Variants in DAB1 observed in about 807,000 individuals in gnomAD.
DAB1 encodes disabled homolog 1.
In DAB1, 15 loss-of-function variants were observed where a neutral mutation model predicts 64.6. That is an observed-to-expected ratio of 0.23 (90% CI 0.16 to 0.36). The LOEUF (loss-of-function observed/expected upper bound fraction) is 0.36. Ranked by LOEUF, DAB1 falls within the 10% of genes least tolerant of loss-of-function variation. The probability of loss-of-function intolerance (pLI) is 1.00; values close to 1 mark genes in which losing one functional copy is unlikely to be tolerated. For synonymous variants in DAB1, 235 were observed against 251.9 expected (o/e 0.93, Z 0.64); for missense variants, 596 against 706.7 (o/e 0.84, Z 1.78).
intron 9 of DAB1, among the ~76,000 whole-genome samples, chr1:57,029,935 C>A (rs1390408990): frequency 1.3e-5 from 2 of 152,088 alleles, no homozygotes; most frequent in Non-Finnish European, 2.9e-5. Context: ...TGAGTTAAGA[C>A]TTTGGGGGAC....
intron 7 of DAB1, among the ~76,000 whole-genome samples, chr1:57,493,864 A>C (rs112083812): frequency 2.0e-3 from 302 of 152,070 alleles, no homozygotes; most frequent in Non-Finnish European, 3.1e-3. Context: ...ACCTTAAAGG[A>C]ATCTTTATTT....
intron 1 of DAB1, among the ~76,000 whole-genome samples, chr1:57,371,089 G>A (rs1053585099): frequency 3.3e-5 from 5 of 152,110 alleles, no homozygotes; most frequent in Non-Finnish European, 5.9e-5. Flanking sequence ...GCACAGCTGT[G>A]GTGACCTGGA....
chr1:57,926,609 C>T (rs1239090416), intron 5 of DAB1, among the ~76,000 whole-genome samples: 1 of 152,172 alleles, frequency 6.6e-6, no homozygotes, highest in African/African-American at 2.4e-5. Flanking sequence ...TGATCCTGTT[C>T]TTGTTTTTCC....
chr1:57,772,816 T>C (rs1649620426), intron 6 of DAB1, among the ~76,000 whole-genome samples: 1 of 152,124 alleles, frequency 6.6e-6, no homozygotes, highest in Non-Finnish European at 1.5e-5. Context: ...ATGTTGTGGC[T>C]CTAACTCCCA....
intron 5 of DAB1, among the ~76,000 whole-genome samples, chr1:58,132,086 A>G (rs1653632153): frequency 6.6e-6 from 1 of 151,714 alleles, no homozygotes; most frequent in Non-Finnish European, 1.5e-5. Flanking sequence ...TTGATCTCAG[A>G]CTGCTGGGCT....
rs185816240 is a variant in DAB1 at position 58,310,077 on chromosome 1, A to G, written n.309+33275T>C. On this transcript the variant is annotated intron_variant and non_coding_transcript_variant, in intron 4 of 20. Coordinates refer to the DAB1 transcript ENST00000485760. ...TCAAGTGACTACTTGGCTGATCACT[A>G]TCAGTCTATTAAAATACACACATGC... Among the ~76,000 whole-genome samples, 401 of 152,262 alleles carry G rather than the reference A, an allele frequency of 2.6e-3. 6 individuals are homozygous for G. The highest frequency in any genetic ancestry group is 8.6e-3 in the African/African-American group (356 of 41,558).
intron 4 of DAB1, among the ~76,000 whole-genome samples, chr1:57,088,880 C>T (rs2100651912): frequency 6.6e-6 from 1 of 152,356 alleles, no homozygotes; most frequent in East Asian, 1.9e-4. Context: ...CAGGCCCCGG[C>T]TTTAAGTGCC....
chr1:58,058,467 G>C (rs1356188743), intron 5 of DAB1, among the ~76,000 whole-genome samples: 2 of 152,080 alleles, frequency 1.3e-5, no homozygotes, highest in Admixed American at 1.3e-4. Context: ...AGCCACGCTC[G>C]ACTGTTGCAT....
chr1:57,801,284 C>T (rs1396389420), intron 6 of DAB1, among the ~76,000 whole-genome samples: 3 of 152,146 alleles, frequency 2.0e-5, no homozygotes, highest in African/African-American at 7.2e-5. Flanking sequence ...TTATCTGGAC[C>T]TTTGGTTTCT....
chr1:58,483,579 T>G (rs1258743062), intron 3 of DAB1, among the ~76,000 whole-genome samples: 1 of 152,244 alleles, frequency 6.6e-6, no homozygotes, highest in East Asian at 1.9e-4. Flanking sequence ...TAAGATTTCC[T>G]TATATCTAGT....
chr1:57,850,260 C>A (rs1377742324), intron 1 of DAB1, among the ~76,000 whole-genome samples: 1 of 152,198 alleles, frequency 6.6e-6, no homozygotes, highest in African/African-American at 2.4e-5. Flanking sequence ...GGACCTCACA[C>A]AAACATAAGG....
chr1:57,418,826 G>A (rs1235435741), intron 1 of DAB1, among the ~76,000 whole-genome samples: 1 of 152,084 alleles, frequency 6.6e-6, no homozygotes, highest in African/African-American at 2.4e-5. Flanking sequence ...TAAAATAGAT[G>A]CCAGAGGAGT....
intron 3 of DAB1, among the ~76,000 whole-genome samples, chr1:58,391,201 G>A (rs770294369): frequency 1.3e-5 from 2 of 152,194 alleles, no homozygotes; most frequent in Non-Finnish European, 2.9e-5. Context: ...GGCAAGAGCC[G>A]TAAAGAGAGC....
Position 57,951,317 on chromosome 1 carries a change from C to CATATATATATATATATATATAT in DAB1, n.388-67156_388-67155insATATATATATATATATATATAT, listed in dbSNP as rs150140800. ...CAGATCCGGGAAGAGGAGCCTGATT[C>CATATATATATATATATATATAT]ATATATATATATATACTTCCCTGGA... On this transcript the variant is annotated intron_variant and non_coding_transcript_variant, in intron 5 of 20. Coordinates refer to the DAB1 transcript ENST00000485760. Among the ~76,000 whole-genome samples the CATATATATATATATATATATAT allele has an allele frequency of 3.6e-3, 251 of 69,828 alleles. 26 individuals carry two copies. The highest frequency in any genetic ancestry group is 8.4e-3 in the African/African-American group (203 of 24,248). 45.8% of individuals were successfully genotyped at this position (69,828 alleles called of 152,430 possible). A position where few individuals can be genotyped will look rare whatever the true frequency, so the allele number is the denominator to read the frequency against.
At chr1:58,517,366 G>A (rs1411303276) in intron 2 of DAB1, among the ~76,000 whole-genome samples, 1 of 152,098 alleles carries the variant, frequency 6.6e-6, no homozygotes, top group Non-Finnish European at 1.5e-5. Context: ...TTCAATTCCT[G>A]GAATAAGCCA....
At chr1:57,049,450 C>CAAAAAAAAAAAAA (rs574438911) in intron 9 of DAB1, among the ~76,000 whole-genome samples, 381 of 24,532 alleles carry the variant, frequency 0.016, 65 homozygotes, top group Non-Finnish European at 0.02. Flanking sequence ...GACTCCGTCT[C>CAAAAAAAAAAAAA]AAAAAAAAAA....
At chr1:58,282,605 T>TAA (rs10641105) in intron 4 of DAB1, among the ~76,000 whole-genome samples, 50,036 of 147,712 alleles carry the variant, frequency 0.34, 11,318 homozygotes, top group African/African-American at 0.63. Flanking sequence ...GCCTTTGTTC[T>TAA]AAAAAAAAAA....
intron 4 of DAB1, among the ~76,000 whole-genome samples, chr1:58,264,155 T>C (rs1033659513): frequency 6.6e-6 from 1 of 152,212 alleles, no homozygotes; most frequent in Non-Finnish European, 1.5e-5. Flanking sequence ...TTTTTATCTT[T>C]AAATGAGGAT....
chr1:58,482,684 G>T (rs1302999038), intron 3 of DAB1, among the ~76,000 whole-genome samples: 1 of 152,094 alleles, frequency 6.6e-6, no homozygotes, highest in East Asian at 1.9e-4. Context: ...GACTTTGGGG[G>T]TCAAGAGGGG....
Sources: allele counts gnomAD v4.1 joint callset (sites outside exome capture counted in the v4.1 genomes callset), GRCh38; gene constraint gnomAD v4.1.1; transcripts MANE v1.5; gene names NCBI Gene and HGNC (gene_info 2026-07-23, HGNC 2026-07-21).